SDK1: variants seen among roughly 807,000 people sequenced by gnomAD.
SDK1 encodes sidekick cell adhesion molecule 1, also known as protein sidekick-1.
A neutral mutation model predicts 245.5 loss-of-function variants in SDK1; 157 were observed. That is an observed-to-expected ratio of 0.64 (90% CI 0.56 to 0.73). The LOEUF (loss-of-function observed/expected upper bound fraction) is 0.73, where lower values mean the gene tolerates loss of function less well. Among genes scored for constraint, SDK1 ranks in the 30% least tolerant of loss-of-function variants. The pLI, the probability that SDK1 is intolerant of heterozygous loss-of-function variation, is 0.00. For synonymous variants in SDK1, 1,647 were observed against 1,278.5 expected, an observed-to-expected ratio of 1.29 and a Z score of -6.15; for missense variants, 3,583 against 3,002.3, an observed-to-expected ratio of 1.19 and a Z score of -4.52.
intron 30 of SDK1, among the ~76,000 whole-genome samples, chr7:4,152,201 G>C (rs1408232581): frequency 6.6e-6 from 1 of 152,166 alleles, no homozygotes; most frequent in Non-Finnish European, 1.5e-5. Context: ...GGAAGAGTCA[G>C]ACTGTCCGCC....
intron 12 of SDK1, 33 bp from the exon 13 acceptor site, chr7:3,974,335 GT>G (rs759334426): frequency 3.6e-4 from 578 of 1,587,486 alleles, no homozygotes; most frequent in Non-Finnish European, 4.7e-4. Flanking sequence ...TCACTGTGGG[GT>G]TTGTAACTCA....
intron 42 of SDK1, among the ~76,000 whole-genome samples, chr7:4,241,247 C>T (rs568545776): frequency 6.6e-6 from 1 of 152,314 alleles, no homozygotes; most frequent in East Asian, 1.9e-4. Flanking sequence ...GTCACACTCC[C>T]ACACATTTAT....
intron 1 of SDK1, among the ~76,000 whole-genome samples, chr7:3,588,319 G>A (rs1780754614): frequency 6.6e-6 from 1 of 152,152 alleles, no homozygotes; most frequent in Non-Finnish European, 1.5e-5. Flanking sequence ...TTAGTCTGCA[G>A]ATATTTATTA....
intron 5 of SDK1, among the ~76,000 whole-genome samples, chr7:3,878,258 C>A (rs545632974): frequency 6.6e-6 from 1 of 152,154 alleles, no homozygotes; most frequent in East Asian, 1.9e-4. Context: ...CGGTGGCTCA[C>A]GCCTGTAATC....
At chr7:3,676,609 G>C (rs750076394) in intron 4 of SDK1, among the ~76,000 whole-genome samples, 1 of 152,276 alleles carries the variant, frequency 6.6e-6, no homozygotes, top group East Asian at 1.9e-4. Context: ...ACAGGCGTGA[G>C]CCACCACGCC....
intron 1 of SDK1, among the ~76,000 whole-genome samples, chr7:3,404,354 T>G (rs1778996820): frequency 6.6e-6 from 1 of 152,220 alleles, no homozygotes; most frequent in Non-Finnish European, 1.5e-5. Flanking sequence ...GGTGTATGGC[T>G]TTGTCATTGT....
chr7:3,388,674 T>C (rs907642389), intron 1 of SDK1, among the ~76,000 whole-genome samples: 2 of 152,214 alleles, frequency 1.3e-5, no homozygotes, highest in Admixed American at 6.5e-5. Context: ...AGATGAGATA[T>C]TAAAAATTAT....
intron 19 of SDK1, among the ~76,000 whole-genome samples, chr7:4,066,665 C>T (rs1229825256): frequency 1.3e-5 from 2 of 152,204 alleles, no homozygotes; most frequent in Non-Finnish European, 2.9e-5. Flanking sequence ...TGTGGGCTGG[C>T]CCTGATGGGA....
In SDK1 at chr7:4,077,065, G is replaced by T. The variant is rs61735695; in HGVS notation, c.3078G>T (p.Thr1026=). The T allele has an allele frequency of 6.2e-7, 1 of 1,614,138 alleles. No homozygotes were observed. The highest frequency in any genetic ancestry group is 1.7e-5 in the Admixed American group (1 of 60,016). The change falls in exon 21 of 45, where the codon ACG becomes ACT. Residue 1026 remains threonine, a synonymous_variant. Coordinates refer to ENST00000404826, the MANE Select transcript of SDK1 (RefSeq NM_152744.4). The part of the protein sequence containing the change: ...DSRLTHTLNS[T]THEYKIQGLS... The stretch of plus-strand genomic sequence containing the variant: ...GTCTCACGCACACCCTGAACAGCAC[G>T]ACGCACGAGTACAAGATCCAAGGCC...
At chr7:3,629,774 A>T (rs1289369604) in intron 2 of SDK1, among the ~76,000 whole-genome samples, 1 of 152,234 alleles carries the variant, frequency 6.6e-6, no homozygotes. Context: ...CTAGAATCTA[A>T]TCAAAGATCA....
intron 22 of SDK1, among the ~76,000 whole-genome samples, chr7:4,103,479 C>T (rs1160107868): frequency 6.6e-6 from 1 of 152,182 alleles, no homozygotes; most frequent in Non-Finnish European, 1.5e-5. Context: ...AAAAAGAGTC[C>T]TGGTCTCTCC....
chr7:3,534,229 T>A (rs1052062713), intron 1 of SDK1, among the ~76,000 whole-genome samples: 1 of 151,684 alleles, frequency 6.6e-6, no homozygotes, highest in Non-Finnish European at 1.5e-5. Flanking sequence ...AGGATTTCGC[T>A]CTTTTTTTTA....
chr7:4,216,055 G>A (rs1784777397), intron 38 of SDK1, among the ~76,000 whole-genome samples: 1 of 152,186 alleles, frequency 6.6e-6, no homozygotes, highest in African/African-American at 2.4e-5. Flanking sequence ...GCCTTGGCAG[G>A]AACGTGGTTC....
intron 4 of SDK1, among the ~76,000 whole-genome samples, chr7:3,787,432 C>A (rs556178164): frequency 6.6e-6 from 1 of 152,128 alleles, no homozygotes; most frequent in South Asian, 2.1e-4. Flanking sequence ...CTTGTGCACA[C>A]GCTGTGTTCC....
At chr7:3,502,994 T>A (rs1782267410) in intron 1 of SDK1, among the ~76,000 whole-genome samples, 1 of 152,190 alleles carries the variant, frequency 6.6e-6, no homozygotes, top group Non-Finnish European at 1.5e-5. Flanking sequence ...TGGAATTACT[T>A]ACACTGGTGA....
At chr7:3,963,516 G>C (rs1382305545) in intron 9 of SDK1, among the ~76,000 whole-genome samples, 3 of 64,818 alleles carry the variant, frequency 4.6e-5, no homozygotes, top group Non-Finnish European at 8.3e-5. Context: ...GATGTAACCA[G>C]TGGGTACACC....
chr7:3,412,444 G>T (rs1779236051), intron 1 of SDK1, among the ~76,000 whole-genome samples: 1 of 152,188 alleles, frequency 6.6e-6, no homozygotes, highest in African/African-American at 2.4e-5. Context: ...TTAGGACATA[G>T]GCAGCTCCTG....
intron 19 of SDK1, among the ~76,000 whole-genome samples, chr7:4,060,907 C>A (rs1386878241): frequency 1.3e-5 from 2 of 151,568 alleles, no homozygotes; most frequent in Non-Finnish European, 2.9e-5. Context: ...GAATCCTTTA[C>A]CCATTGCTTG....
chr7:3,604,668 T>C (rs1368518617), intron 1 of SDK1, among the ~76,000 whole-genome samples: 2 of 149,236 alleles, frequency 1.3e-5, no homozygotes, highest in Non-Finnish European at 3.0e-5. Context: ...AATGGTGTGA[T>C]CTTGGCTCAC....
Sources: allele counts gnomAD v4.1 joint callset (sites outside exome capture counted in the v4.1 genomes callset), GRCh38; gene constraint gnomAD v4.1.1; transcripts MANE v1.5; gene names NCBI Gene and HGNC (gene_info 2026-07-23, HGNC 2026-07-21).